Variants in RPS6KA2 observed in about 807,000 individuals in gnomAD.
The protein encoded by RPS6KA2 is ribosomal protein S6 kinase A2.
A neutral mutation model predicts 91.8 loss-of-function variants in RPS6KA2; 42 were observed. The ratio of observed to expected loss-of-function variants is 0.46; its 90% confidence interval spans 0.36 to 0.59. The LOEUF (loss-of-function observed/expected upper bound fraction) is 0.59. Ranked by LOEUF, RPS6KA2 falls within the 20% of genes least tolerant of loss-of-function variation. The pLI, the probability that RPS6KA2 is intolerant of heterozygous loss-of-function variation, is 0.00. For synonymous variants in RPS6KA2, 414 were observed against 393.6 expected (o/e 1.05, Z -0.61); for missense variants, 798 against 978.5 (o/e 0.82, Z 2.46).
intron 2 of RPS6KA2, among the ~76,000 whole-genome samples, chr6:166,736,892 C>A (rs959217363): frequency 6.8e-6 from 1 of 148,076 alleles, no homozygotes; most frequent in Admixed American, 6.9e-5. Context: ...GTCATGATGG[C>A]AAGAGGAAAT....
Position 166,539,263 on chromosome 6 carries a change from G to A in RPS6KA2, c.100-479C>T, listed in dbSNP as rs189215679. On this transcript the variant is annotated intron_variant, in intron 1 of 20. Coordinates refer to ENST00000265678, the MANE Select transcript of RPS6KA2 (RefSeq NM_021135.6). ...ACTTGGTGATGTGTGTGGTTATTGT[G>A]TGCACCCTGTGGGCCTTCATGGTTT... Among the ~76,000 whole-genome samples the A allele has an allele frequency of 4.2e-4, 64 of 152,250 alleles. 1 individual carries two copies. The East Asian group carries it at 0.011, about 27-fold the overall frequency.
Position 166,852,753 on chromosome 6 carries a change from G to A in RPS6KA2, c.123+5447C>T, listed in dbSNP as rs1780778574. Among the ~76,000 whole-genome samples, 3 of 152,100 alleles carry A rather than the reference G, an allele frequency of 2.0e-5. No homozygotes were observed. Among genetic ancestry groups the A allele is most frequent in the African/African-American group, 7.2e-5 (3 of 41,428 alleles). On this transcript the variant is annotated intron_variant, in intron 2 of 21. Coordinates refer to the RPS6KA2 transcript ENST00000503859. This position sits in a 1 kb window ranked among gnomAD's most constrained non-coding sequence, Gnocchi z 4.1. ...CCTGAGCGCCCACAGGCCCCTGGAT[G>A]TCCCTGTAAGGAGGCTTCCTGCCCA...
At chr6:166,509,971 G>A (rs1782405023) in intron 4 of RPS6KA2, among the ~76,000 whole-genome samples, 1 of 152,140 alleles carries the variant, frequency 6.6e-6, no homozygotes, top group African/African-American at 2.4e-5. Context: ...ATAAGTCATA[G>A]ATTCACCCCA....
At position 166,411,988 on chromosome 6, in the gene RPS6KA2, G is replaced by T. The variant is rs1409867964; in HGVS notation, c.*774C>A. On this transcript the variant is annotated 3_prime_UTR_variant, in exon 21 of 21. Transcript: ENST00000265678. The surrounding 1 kb of genome is among the most constrained non-coding windows in gnomAD (Gnocchi z 4.5). ...GGAGCTGGGGACAGACGGCAGCCCA[G>T]TGCGCTTGGCCCCCCGGGGAAAGCC... 6.6e-6 allele frequency: 1 copy of T among 152,332 alleles called. No individual in the cohort carries two copies. The highest frequency in any genetic ancestry group is 1.5e-5 in the Non-Finnish European group (1 of 68,164). The allele number at this position is 152,332 out of a possible 1,614,324, so 9.4% of individuals were successfully genotyped here. A position where few individuals can be genotyped will look rare whatever the true frequency, so the allele number is the denominator to read the frequency against.
At chr6:166,659,070 C>A (rs1046563253) in intron 2 of RPS6KA2, among the ~76,000 whole-genome samples, 41 of 152,166 alleles carry the variant, frequency 2.7e-4, no homozygotes, top group Non-Finnish European at 1.6e-4. Flanking sequence ...ACAACACCCC[C>A]CCTTTTGTGG....
intron 2 of RPS6KA2, among the ~76,000 whole-genome samples, chr6:166,790,305 T>C (rs934003389): frequency 2.0e-5 from 3 of 151,880 alleles, no homozygotes; most frequent in African/African-American, 7.3e-5. Flanking sequence ...AGAAAGGAAG[T>C]TTAGAGAAAA....
chr6:166,766,737 C>A (rs1452837629), intron 2 of RPS6KA2, among the ~76,000 whole-genome samples: 1 of 152,220 alleles, frequency 6.6e-6, no homozygotes, highest in Non-Finnish European at 1.5e-5. Flanking sequence ...GAAAGCCCAC[C>A]CAGTGACTCA....
At chr6:166,543,937 T>C (rs780961560) in intron 1 of RPS6KA2, among the ~76,000 whole-genome samples, 1 of 152,252 alleles carries the variant, frequency 6.6e-6, no homozygotes, top group African/African-American at 2.4e-5. Flanking sequence ...CCCAGCTTTA[T>C]GCAGGAAGTG....
chr6:166,753,427 A>T (rs1443487940), intron 2 of RPS6KA2, among the ~76,000 whole-genome samples: 1 of 152,204 alleles, frequency 6.6e-6, no homozygotes, highest in African/African-American at 2.4e-5. Context: ...TGCTGTTGGA[A>T]TTTTTTTCTT....
intron 10 of RPS6KA2, among the ~76,000 whole-genome samples, chr6:166,483,565 C>T (rs1341511161): frequency 2.6e-5 from 4 of 152,172 alleles, no homozygotes; most frequent in East Asian, 3.8e-4. Flanking sequence ...GTCGTGCTAA[C>T]GAAGAATGAG....
intron 2 of RPS6KA2, among the ~76,000 whole-genome samples, chr6:166,840,077 T>G (rs1010555364): frequency 1.3e-5 from 2 of 152,078 alleles, no homozygotes; most frequent in African/African-American, 4.8e-5. Flanking sequence ...AGTAAAAATT[T>G]GAAAGTGAAC....
At chr6:166,761,956 G>A (rs12195474) in intron 2 of RPS6KA2, among the ~76,000 whole-genome samples, 83 of 152,268 alleles carry the variant, frequency 5.5e-4, no homozygotes, top group Non-Finnish European at 1.0e-3. Context: ...GGGCAGCCTC[G>A]TCTCCCAGCC....
chr6:166,531,345 C>G (rs767867114), intron 2 of RPS6KA2, 32 bp from the exon 3 acceptor site: 6 of 1,523,596 alleles, frequency 3.9e-6, no homozygotes, highest in Non-Finnish European at 5.5e-6. Flanking sequence ...ATCAGAAACC[C>G]GTAAGACTTC....
Position 166,538,678 on chromosome 6 carries a change from G to C in RPS6KA2, c.206C>G (p.Ser69Cys), listed in dbSNP as rs778001747. 5.0e-6 allele frequency: 8 copies of C among 1,590,342 alleles called. No homozygotes were observed. The highest frequency in any genetic ancestry group is 1.1e-5 in the South Asian group (1 of 90,518). ...FELLKVLGQG[S>C]YGKVFLVRKV... is the part of the protein sequence containing the mutation. Reference sequence around the variant, plus strand: ...CAGGGCTGAACTTACCTTTCCATAGGATCCTTGTCCTAAAACCTTCAGCAG... The same window carrying C: ...CAGGGCTGAACTTACCTTTCCATAGCATCCTTGTCCTAAAACCTTCAGCAG... The change falls in exon 2 of 21, where the codon TCC becomes TGC. Residue 69 changes from serine to cysteine, a missense_variant. Coordinates refer to ENST00000265678, the MANE Select transcript of RPS6KA2 (RefSeq NM_021135.6).
chr6:166,589,611 A>G (rs983235326), intron 1 of RPS6KA2, among the ~76,000 whole-genome samples: 3 of 152,178 alleles, frequency 2.0e-5, no homozygotes, highest in African/African-American at 4.8e-5. Context: ...CGCAGAAAAT[A>G]AGAGCCTAAA....
At chr6:166,670,154 C>T (rs1288145354) in intron 2 of RPS6KA2, among the ~76,000 whole-genome samples, 3 of 152,242 alleles carry the variant, frequency 2.0e-5, no homozygotes, top group Admixed American at 1.3e-4. Flanking sequence ...TCAGGTGCTG[C>T]GTTCAGGGTG....
intron 10 of RPS6KA2, among the ~76,000 whole-genome samples, chr6:166,488,458 G>A (rs1387529495): frequency 3.9e-5 from 6 of 152,234 alleles, no homozygotes; most frequent in East Asian, 3.8e-4. Context: ...TTTAATAGAT[G>A]TGGAGGTTTC....
chr6:166,479,888 C>G (rs1257110911), intron 10 of RPS6KA2, among the ~76,000 whole-genome samples: 2 of 152,166 alleles, frequency 1.3e-5, no homozygotes, highest in Non-Finnish European at 2.9e-5. Context: ...GCTATTTTTA[C>G]TTAACACTTC....
At chr6:166,806,661 A>C (rs1222347353) in intron 2 of RPS6KA2, among the ~76,000 whole-genome samples, 1 of 152,224 alleles carries the variant, frequency 6.6e-6, no homozygotes, top group East Asian at 1.9e-4. Flanking sequence ...ATGAAAGAAC[A>C]CTAGACAATA....
Sources: gnomAD v4.1 joint callset for allele counts (sites outside exome capture counted in the v4.1 genomes callset) on GRCh38, gnomAD v4.1.1 for gene constraint, Gnocchi (gnomAD v3.1) non-coding constraint, MANE v1.5 for transcripts, NCBI Gene and HGNC (gene_info 2026-07-23, HGNC 2026-07-21) for gene names.